The following SRRM4 variants were observed in gnomAD, a reference collection of about 807,000 sequenced individuals.
SRRM4 encodes serine/arginine repetitive matrix protein 4.
In SRRM4, 33 loss-of-function variants were observed where a neutral mutation model predicts 68.9. The observed-to-expected ratio is 0.48, with a 90% CI of 0.36 to 0.64. The LOEUF (loss-of-function observed/expected upper bound fraction) is 0.64. Ranked by LOEUF, SRRM4 falls within the 30% of genes least tolerant of loss-of-function variation. The pLI, the probability that SRRM4 is intolerant of heterozygous loss-of-function variation, is 0.00. For synonymous variants in SRRM4, 318 were observed against 318.8 expected (o/e 1.00, Z 0.03); for missense variants, 817 against 827.1 (o/e 0.99, Z 0.15).
rs373815603 is a variant in SRRM4 at position 119,151,156 on chromosome 12, C to A, written c.1216C>A (p.Arg406=). Residue 406 remains arginine, a synonymous_variant, in exon 10 of 13, where the codon CGA becomes AGA. Transcript: ENST00000267260. The part of the protein sequence containing the change: ...ASTRSSSHSS[R]SPNPRASPRY... Reference sequence around the variant, plus strand: ...CACCCGATCCTCCAGTCACTCGTCCCGATCCCCAAATCCCAGGGCTTCCCC... The same window carrying A: ...CACCCGATCCTCCAGTCACTCGTCCAGATCCCCAAATCCCAGGGCTTCCCC... 13 of 1,613,856 alleles carry A rather than the reference C, an allele frequency of 8.1e-6. No homozygotes were observed. The highest frequency in any genetic ancestry group is 2.7e-5 in the African/African-American group (2 of 74,920).
In SRRM4 at chr12:118,981,683, C is replaced by T. The variant is rs1953247782; in HGVS notation, c.-200C>T. The T allele has an allele frequency of 3.4e-6, 2 of 596,284 alleles. No homozygotes were observed. The highest frequency in any genetic ancestry group is 2.2e-5 in the South Asian group (1 of 44,998). 36.9% of individuals were successfully genotyped at this position (596,284 alleles called of 1,614,324 possible). Reference sequence around the variant, plus strand: ...GCCGACCCAGAAGGGCGAAGAAAGCCCAGCGGACGAGCCTCCTTTCTCTGC... The same window carrying T: ...GCCGACCCAGAAGGGCGAAGAAAGCTCAGCGGACGAGCCTCCTTTCTCTGC... On this transcript the variant is annotated 5_prime_UTR_variant, in exon 1 of 13. Coordinates refer to ENST00000267260, the MANE Select transcript of SRRM4 (RefSeq NM_194286.4).
intron 1 of SRRM4, among the ~76,000 whole-genome samples, chr12:119,008,412 C>T (rs1219243156): frequency 1.3e-5 from 2 of 151,766 alleles, no homozygotes; most frequent in Non-Finnish European, 1.5e-5. Flanking sequence ...AATATCTATT[C>T]AAATTTTCTG....
chr12:119,064,291 T>C (rs1187019438), intron 1 of SRRM4, among the ~76,000 whole-genome samples: 1 of 152,240 alleles, frequency 6.6e-6, no homozygotes, highest in Non-Finnish European at 1.5e-5. Flanking sequence ...AGCTATGTTA[T>C]TGGCAAATAA....
intron 1 of SRRM4, among the ~76,000 whole-genome samples, chr12:119,075,581 G>C (rs199587055): frequency 1.7e-4 from 25 of 143,942 alleles, no homozygotes; most frequent in Non-Finnish European, 3.7e-4. Flanking sequence ...GGTGATGATG[G>C]TGATGATGAT....
chr12:119,019,139 C>A (rs1348656347), intron 1 of SRRM4, among the ~76,000 whole-genome samples: 1 of 152,162 alleles, frequency 6.6e-6, no homozygotes, highest in East Asian at 1.9e-4. Context: ...ACCTTCCCTG[C>A]AGAGAGGATC....
intron 8 of SRRM4, among the ~76,000 whole-genome samples, chr12:119,133,785 A>G (rs1175773322): frequency 1.3e-5 from 2 of 152,202 alleles, no homozygotes; most frequent in Non-Finnish European, 2.9e-5. Flanking sequence ...TCAGGCTCTG[A>G]CTTATCTCAG....
intron 1 of SRRM4, among the ~76,000 whole-genome samples, chr12:119,089,435 T>C (rs941231977): frequency 6.6e-6 from 1 of 152,212 alleles, no homozygotes; most frequent in African/African-American, 2.4e-5. Context: ...GGAGGAGGCA[T>C]TTCCTACAGG....
At chr12:119,065,849 A>G (rs1203942898) in intron 1 of SRRM4, among the ~76,000 whole-genome samples, 1 of 152,142 alleles carries the variant, frequency 6.6e-6, no homozygotes, top group East Asian at 1.9e-4. Flanking sequence ...GGATGGATGG[A>G]TGCATAAATG....
At chr12:119,084,695 T>C (rs1157103051) in intron 1 of SRRM4, among the ~76,000 whole-genome samples, 3 of 152,074 alleles carry the variant, frequency 2.0e-5, no homozygotes, top group African/African-American at 7.2e-5. Flanking sequence ...TCTCAGGCTA[T>C]GCCTCAAAAT....
intron 2 of SRRM4, among the ~76,000 whole-genome samples, chr12:119,111,290 A>T (rs1442534961): frequency 6.6e-6 from 1 of 152,200 alleles, no homozygotes; most frequent in African/African-American, 2.4e-5. Flanking sequence ...AAGTAGAACT[A>T]GTGTAGGGAA....
intron 7 of SRRM4, among the ~76,000 whole-genome samples, chr12:119,130,013 A>G (rs1406916041): frequency 7.0e-6 from 1 of 143,536 alleles, no homozygotes; most frequent in Non-Finnish European, 1.5e-5. Context: ...GGATGGATGA[A>G]TGCATAGATG....
chr12:119,069,171 A>C (rs886969470), intron 1 of SRRM4, among the ~76,000 whole-genome samples: 2 of 152,140 alleles, frequency 1.3e-5, no homozygotes, highest in African/African-American at 4.8e-5. Flanking sequence ...CAATTAAGGG[A>C]ATGGAAAGCA....
At chr12:119,112,095 C>T (rs1342969152) in intron 2 of SRRM4, among the ~76,000 whole-genome samples, 1 of 151,954 alleles carries the variant, frequency 6.6e-6, no homozygotes, top group African/African-American at 2.4e-5. Flanking sequence ...CCTGTTTACA[C>T]AAGCATCCTG....
chr12:119,086,999 G>A (rs1474856039), intron 1 of SRRM4, among the ~76,000 whole-genome samples: 1 of 152,182 alleles, frequency 6.6e-6, no homozygotes, highest in Non-Finnish European at 1.5e-5. Context: ...GCAGTGCTGG[G>A]GCTGGAGGAT....
At chr12:119,000,961 C>T (rs543435884) in intron 1 of SRRM4, 1 of 152,292 alleles carries the variant, frequency 6.6e-6, no homozygotes, top group Non-Finnish European at 1.5e-5. Context: ...CTGCACACAC[C>T]ATTTGGGCTC....
intron 1 of SRRM4, among the ~76,000 whole-genome samples, chr12:119,073,100 A>AG (rs1311080035): frequency 3.3e-5 from 5 of 151,432 alleles, no homozygotes; most frequent in African/African-American, 1.2e-4. Context: ...AAGGAAAAAA[A>AG]AAAATGTGAC....
intron 9 of SRRM4, among the ~76,000 whole-genome samples, chr12:119,147,719 T>C (rs1954413013): frequency 6.6e-6 from 1 of 152,258 alleles, no homozygotes; most frequent in Non-Finnish European, 1.5e-5. Flanking sequence ...TCCATTTTTT[T>C]ACCCATCTTA....
chr12:119,106,130 G>A (rs1329432603), intron 2 of SRRM4, among the ~76,000 whole-genome samples: 1 of 152,074 alleles, frequency 6.6e-6, no homozygotes, highest in Non-Finnish European at 1.5e-5. Context: ...AGACGTGTGT[G>A]TTATTTCTGA....
intron 1 of SRRM4, among the ~76,000 whole-genome samples, chr12:119,062,861 C>T (rs995114448): frequency 2.0e-5 from 3 of 152,186 alleles, no homozygotes; most frequent in African/African-American, 7.2e-5. Flanking sequence ...ATGGGCCTAC[C>T]AGATTCATGG....
Sources: allele counts gnomAD v4.1 joint callset (sites outside exome capture counted in the v4.1 genomes callset), GRCh38; gene constraint gnomAD v4.1.1; transcripts MANE v1.5; gene names NCBI Gene and HGNC (gene_info 2026-07-23, HGNC 2026-07-21).